Variants in ATP2B2 observed in about 807,000 individuals in gnomAD.
ATP2B2 encodes ATPase plasma membrane Ca2+ transporting 2.
A neutral mutation model predicts 120.0 loss-of-function variants in ATP2B2; 15 were observed. That is an observed-to-expected ratio of 0.12 (90% CI 0.08 to 0.19). The LOEUF is 0.19. ATP2B2 is among the 10% of genes least tolerant of loss of function. ATP2B2 has a pLI of 1.00. For synonymous variants in ATP2B2, 694 were observed against 700.3 expected (o/e 0.99, Z 0.14); for missense variants, 1,045 against 1,719.8 (o/e 0.61, Z 6.94).
At chr3:10,602,777 C>CA (rs367721610) in intron 2 of ATP2B2, among the ~76,000 whole-genome samples, 66 of 152,304 alleles carry the variant, frequency 4.3e-4, no homozygotes, top group African/African-American at 1.6e-3. Context: ...GGGAAACTGA[C>CA]ATGGAGGCCA....
chr3:10,675,957 C>G (rs9810146), intron 1 of ATP2B2, among the ~76,000 whole-genome samples: 19,483 of 152,232 alleles, frequency 0.13, 3,500 homozygotes, highest in African/African-American at 0.41. Context: ...CCCCACTGCT[C>G]TCTCCCATAG....
chr3:10,380,077 C>A (rs2061490586), intron 8 of ATP2B2, among the ~76,000 whole-genome samples: 1 of 152,204 alleles, frequency 6.6e-6, no homozygotes, highest in South Asian at 2.1e-4. Flanking sequence ...AGGGGTATGG[C>A]TCAGGCTACA....
intron 3 of ATP2B2, among the ~76,000 whole-genome samples, chr3:10,519,547 G>A (rs76621349): frequency 1.3e-5 from 2 of 152,142 alleles, no homozygotes; most frequent in Non-Finnish European, 2.9e-5. Flanking sequence ...GGAGTTCTAG[G>A]AGTGGAGAAC....
intron 2 of ATP2B2, among the ~76,000 whole-genome samples, chr3:10,420,360 AC>A (rs2062932348): frequency 1.6e-5 from 2 of 126,536 alleles, no homozygotes; most frequent in South Asian, 2.6e-4. Context: ...TCTTGGTTTC[AC>A]TTTTTTTTTT....
intron 12 of ATP2B2, among the ~76,000 whole-genome samples, chr3:10,365,048 C>G (rs1017050464): frequency 6.6e-6 from 1 of 152,238 alleles, no homozygotes; most frequent in Admixed American, 6.5e-5. Flanking sequence ...AGGGGCTGCT[C>G]TTTCTCTCAT....
intron 1 of ATP2B2, among the ~76,000 whole-genome samples, chr3:10,473,867 G>A (rs1393295939): frequency 6.6e-6 from 1 of 152,210 alleles, no homozygotes; most frequent in Non-Finnish European, 1.5e-5. Context: ...AGAAGCATAA[G>A]GGCCAGATCA....
intron 5 of ATP2B2, among the ~76,000 whole-genome samples, chr3:10,400,138 C>A (rs1222883353): frequency 6.6e-6 from 1 of 152,260 alleles, no homozygotes; most frequent in African/African-American, 2.4e-5. Context: ...TAGTGTCTCA[C>A]CCCTGCAGGG....
Position 10,342,659 on chromosome 3 carries a change from G to A in ATP2B2, c.2917+93C>T. 6.9e-7 allele frequency: 1 copy of A among 1,449,084 alleles called. No individual in the cohort carries two copies. The highest frequency in any genetic ancestry group is 9.6e-7 in the Non-Finnish European group (1 of 1,042,902). 89.8% of individuals were successfully genotyped at this position (1,449,084 alleles called of 1,614,324 possible). ...ATTTCCCCATTAGCAAAACAGGAGG[G>A]GGTTGTGACTCGAGAATGCTGGGTG... On this transcript the variant is annotated intron_variant, in intron 19 of 22. Coordinates refer to ENST00000360273, the MANE Select transcript of ATP2B2 (RefSeq NM_001001331.4). The surrounding 1 kb of genome is among the most constrained non-coding windows in gnomAD (Gnocchi z 4.4).
At chr3:10,577,030 T>C (rs1174534210) in intron 2 of ATP2B2, among the ~76,000 whole-genome samples, 6 of 136,134 alleles carry the variant, frequency 4.4e-5, no homozygotes, top group African/African-American at 8.7e-5. Flanking sequence ...CCAGCCTGGG[T>C]GACAGAGTGA....
chr3:10,509,000 T>C (rs1210872101), upstream of ATP2B2, among the ~76,000 whole-genome samples: 1 of 152,190 alleles, frequency 6.6e-6, no homozygotes, highest in African/African-American at 2.4e-5. Context: ...CTGTGTTTAG[T>C]TGGCCAGACC....
At chr3:10,503,656 T>C (rs1002790967) in intron 1 of ATP2B2, among the ~76,000 whole-genome samples, 1 of 152,258 alleles carries the variant, frequency 6.6e-6, no homozygotes, top group African/African-American at 2.4e-5. Flanking sequence ...CGTCTTCTTA[T>C]GTGTGCAACT....
intron 5 of ATP2B2, 113 bp downstream of exon 5, chr3:10,400,840 A>T: frequency 6.6e-7 from 1 of 1,518,466 alleles, no homozygotes; most frequent in African/African-American, 1.4e-5. Context: ...CTGGCTGGAG[A>T]TACCAGAGCC....
At chr3:10,565,851 G>A (rs1279304717) in intron 2 of ATP2B2, among the ~76,000 whole-genome samples, 1 of 152,180 alleles carries the variant, frequency 6.6e-6, no homozygotes, top group Non-Finnish European at 1.5e-5. Flanking sequence ...CTTACTAGCT[G>A]TGTGGCCTTG....
chr3:10,535,385 ATG>A (rs34707434), intron 2 of ATP2B2, among the ~76,000 whole-genome samples: 50,456 of 146,672 alleles, frequency 0.34, 8,924 homozygotes, highest in East Asian at 0.7. Flanking sequence ...CAGCAGTTTG[ATG>A]TGTGTGTGTG....
Position 10,489,260 on chromosome 3 carries a change from T to C in ATP2B2, c.-320+16205A>G, listed in dbSNP as rs181023475. On this transcript the variant is annotated intron_variant, in intron 1 of 22. Transcript: ENST00000360273. ...TTTTCTCCTTGACGATCCACTCATT[T>C]ATGTCTTTGTTTATGGTCTCTCTCC... Among the ~76,000 whole-genome samples, 314 of 152,322 alleles carry C rather than the reference T, an allele frequency of 2.1e-3. 1 individual carries two copies. Among genetic ancestry groups the C allele is most frequent in the African/African-American group, 7.4e-3 (306 of 41,574 alleles).
At chr3:10,673,569 G>A (rs1575611584) in intron 1 of ATP2B2, among the ~76,000 whole-genome samples, 1 of 151,868 alleles carries the variant, frequency 6.6e-6, no homozygotes, top group Non-Finnish European at 1.5e-5. Context: ...GGAGGCTGAG[G>A]CAAGAGGATT....
At chr3:10,585,116 C>T (rs2068476286) in intron 2 of ATP2B2, among the ~76,000 whole-genome samples, 1 of 152,172 alleles carries the variant, frequency 6.6e-6, no homozygotes, top group Admixed American at 6.5e-5. Flanking sequence ...TAGCCTGGAT[C>T]CCACAGAGCA....
intron 14 of ATP2B2, among the ~76,000 whole-genome samples, chr3:10,353,599 T>C (rs1249029242): frequency 1.3e-5 from 2 of 152,148 alleles, no homozygotes; most frequent in Non-Finnish European, 2.9e-5. Context: ...ATATGCTCCT[T>C]CAGGCACTGG....
chr3:10,447,391 A>G (rs1392406732), intron 2 of ATP2B2, among the ~76,000 whole-genome samples: 1 of 152,098 alleles, frequency 6.6e-6, no homozygotes, highest in Non-Finnish European at 1.5e-5. Flanking sequence ...AGCTCTGGGG[A>G]GCCTTTCTGG....
Sources: allele counts gnomAD v4.1 joint callset (sites outside exome capture counted in the v4.1 genomes callset), GRCh38; gene constraint gnomAD v4.1.1; non-coding constraint Gnocchi (gnomAD v3.1); transcripts MANE v1.5; gene names NCBI Gene and HGNC (gene_info 2026-07-23, HGNC 2026-07-21).